ZEB2: variants seen among roughly 807,000 people sequenced by gnomAD.
ZEB2 encodes the protein zinc finger E-box binding homeobox 2.
In ZEB2, 6 loss-of-function variants were observed where a neutral mutation model predicts 99.9. The ratio of observed to expected loss-of-function variants is 0.06; its 90% CI spans 0.03 to 0.12. The LOEUF is 0.12. ZEB2 is among the 10% of genes least tolerant of loss of function. The pLI, the probability that ZEB2 is intolerant of heterozygous loss-of-function variation, is 1.00. For missense variants in ZEB2, 969 were observed against 1,502.8 expected (o/e 0.64, Z 5.87); for synonymous variants, 517 against 542.5 (o/e 0.95, Z 0.65).
intron 2 of ZEB2, chr2:144,513,756 C>G: frequency 6.5e-7 from 1 of 1,536,092 alleles, no homozygotes; most frequent in Non-Finnish European, 8.7e-7. Context: ...CAAGCAGCAG[C>G]AGGGCATCTC....
In ZEB2 at chr2:144,517,498, C is replaced by T. The variant is rs1705177311; in HGVS notation, c.-69-79G>A. 6.3e-6 allele frequency: 6 copies of T among 959,372 alleles called. No homozygotes were observed. The Admixed American group carries it at 7.9e-5, about 13-fold the overall frequency. 59.4% of individuals were successfully genotyped at this position (959,372 alleles called of 1,614,324 possible). A position where few individuals can be genotyped will look rare whatever the true frequency, so the allele number is the denominator to read the frequency against. On this transcript the variant is annotated intron_variant, in intron 1 of 9. Transcript: ENST00000627532. ...GCGCGGGCCGCCCAGGGGAGCCGGG[C>T]CAGGGCCCCGGCGAGCACCCATCCG...
intron 4 of ZEB2, among the ~76,000 whole-genome samples, chr2:144,423,963 G>A (rs936309915): frequency 1.3e-5 from 2 of 151,936 alleles, no homozygotes; most frequent in African/African-American, 4.8e-5. Flanking sequence ...TGGACACTAT[G>A]CTAATATTTG....
chr2:144,429,679 AT>A, intron 3 of ZEB2, 89 bp downstream of exon 3: 8 of 1,596,294 alleles, frequency 5.0e-6, no homozygotes, highest in Non-Finnish European at 6.9e-6. Context: ...TATTTTAATT[AT>A]TTGGTTGTGG....
intron 2 of ZEB2, among the ~76,000 whole-genome samples, chr2:144,515,235 A>C (rs114229477): frequency 6.6e-6 from 1 of 152,160 alleles, no homozygotes; most frequent in African/African-American, 2.4e-5. Flanking sequence ...CAGAAGAGGG[A>C]AAAAAGCCTC....
At chr2:144,392,478 C>A (rs917403465) in intron 9 of ZEB2, among the ~76,000 whole-genome samples, 4 of 152,156 alleles carry the variant, frequency 2.6e-5, no homozygotes, top group African/African-American at 9.6e-5. Flanking sequence ...AGAACTCATT[C>A]GATAATAAAC....
At chr2:144,469,303 T>C (rs1477505301) in intron 2 of ZEB2, among the ~76,000 whole-genome samples, 1 of 152,170 alleles carries the variant, frequency 6.6e-6, no homozygotes, top group East Asian at 1.9e-4. Flanking sequence ...GTCACAATCA[T>C]AGTACTACTG....
intron 2 of ZEB2, among the ~76,000 whole-genome samples, chr2:144,466,520 TA>T: frequency 6.6e-6 from 1 of 152,190 alleles, no homozygotes; most frequent in Middle Eastern, 3.4e-3. Flanking sequence ...TCTTTCTACA[TA>T]AAAAAATGTC....
intron 7 of ZEB2, among the ~76,000 whole-genome samples, chr2:144,400,736 A>G (rs1243562165): frequency 6.6e-6 from 1 of 152,248 alleles, no homozygotes; most frequent in Admixed American, 6.5e-5. Flanking sequence ...CTAGTTATAA[A>G]GAGGAAATCT....
At chr2:144,517,582 C>A in intron 1 of ZEB2, 163 bp from the exon 2 acceptor site, 1 of 516,476 alleles carries the variant, frequency 1.9e-6, no homozygotes, top group South Asian at 1.6e-5. Context: ...CACCCCCAGC[C>A]TTGGCCCCGA....
chr2:144,510,143 A>T (rs1705009796), intron 2 of ZEB2, among the ~76,000 whole-genome samples: 1 of 150,852 alleles, frequency 6.6e-6, no homozygotes, highest in East Asian at 1.9e-4. Flanking sequence ...TTTTCAGAGA[A>T]TTTTTTTTTT....
At chr2:144,451,149 C>CATG (rs1427504788) in intron 2 of ZEB2, among the ~76,000 whole-genome samples, 1 of 152,180 alleles carries the variant, frequency 6.6e-6, no homozygotes, top group Non-Finnish European at 1.5e-5. Flanking sequence ...TATTACTACA[C>CATG]ATGAGATCAT....
chr2:144,416,479 C>A (rs1703541854), intron 4 of ZEB2, among the ~76,000 whole-genome samples: 1 of 152,228 alleles, frequency 6.6e-6, no homozygotes, highest in African/African-American at 2.4e-5. Flanking sequence ...AAGATTCCAA[C>A]TGTATTCCTA....
At chr2:144,479,821 C>T (rs2149913434) in intron 2 of ZEB2, among the ~76,000 whole-genome samples, 1 of 152,254 alleles carries the variant, frequency 6.6e-6, no homozygotes, top group African/African-American at 2.4e-5. Flanking sequence ...ACGCTAACCC[C>T]AGGGCTCATT....
At chr2:144,425,135 G>GT (rs1227928755) in intron 3 of ZEB2, among the ~76,000 whole-genome samples, 10 of 152,188 alleles carry the variant, frequency 6.6e-5, no homozygotes, top group Non-Finnish European at 1.2e-4. Flanking sequence ...TCTGGTGGCA[G>GT]TTCTAGTGAC....
intron 2 of ZEB2, among the ~76,000 whole-genome samples, chr2:144,470,867 C>A (rs1286355981): frequency 1.3e-5 from 2 of 152,100 alleles, no homozygotes; most frequent in Admixed American, 6.6e-5. Flanking sequence ...CAGTTATGTA[C>A]CCCAGTTCTG....
At position 144,385,305 on chromosome 2, in the gene ZEB2, T is replaced by C. The variant is rs1005396194; in HGVS notation, c.*4146A>G. The C allele has an allele frequency of 3.3e-5, 5 of 152,188 alleles. No individual in the cohort carries two copies. The highest frequency in any genetic ancestry group is 1.2e-4 in the African/African-American group (5 of 41,444). 9.4% of individuals were successfully genotyped at this position (152,188 alleles called of 1,614,324 possible). A position where few individuals can be genotyped will look rare whatever the true frequency, so the allele number is the denominator to read the frequency against. On this transcript the variant is annotated 3_prime_UTR_variant, in exon 10 of 10. Coordinates refer to ENST00000627532, the MANE Select transcript of ZEB2 (RefSeq NM_014795.4). Reference sequence around the variant, plus strand: ...ATTAATCATTAGAAACAAATGTCATTGAATACAGAATAGTTGAGTTACAGT... The same window carrying C: ...ATTAATCATTAGAAACAAATGTCATCGAATACAGAATAGTTGAGTTACAGT...
At chr2:144,402,140 G>A (rs1174265134) in intron 6 of ZEB2, among the ~76,000 whole-genome samples, 1 of 152,090 alleles carries the variant, frequency 6.6e-6, no homozygotes, top group Non-Finnish European at 1.5e-5. Flanking sequence ...AAGCAGCAAA[G>A]ATATAATCAA....
chr2:144,513,486 C>G, intron 2 of ZEB2: 3 of 1,517,310 alleles, frequency 2.0e-6, no homozygotes, highest in Non-Finnish European at 2.6e-6. Flanking sequence ...TTCTCTCCTC[C>G]TAATTCAGTT....
intron 3 of ZEB2, chr2:144,427,654 G>A (rs1162073505): frequency 6.6e-6 from 1 of 151,878 alleles, no homozygotes; most frequent in Non-Finnish European, 1.5e-5. Context: ...TAGACATCAA[G>A]GCACCACATC....
Sources: gnomAD v4.1 joint callset for allele counts (sites outside exome capture counted in the v4.1 genomes callset) on GRCh38, gnomAD v4.1.1 for gene constraint, MANE v1.5 for transcripts, NCBI Gene and HGNC (gene_info 2026-07-23, HGNC 2026-07-21) for gene names.